The following RBFOX1 variants were observed in gnomAD, a reference collection of about 807,000 sequenced individuals.
The protein encoded by RBFOX1 is RNA binding fox-1 homolog 1.
RBFOX1 carries 8 observed loss-of-function variants against 57.7 expected under a neutral mutation model. The observed-to-expected ratio is 0.14, with a 90% CI of 0.08 to 0.25. RBFOX1 has a LOEUF of 0.25. RBFOX1 is among the 10% of genes least tolerant of loss of function. The pLI is 1.00. For synonymous variants in RBFOX1, 326 were observed against 222.4 expected (o/e 1.47, Z -4.15); for missense variants, 611 against 548.5 (o/e 1.11, Z -1.14).
intron 3 of RBFOX1, among the ~76,000 whole-genome samples, chr16:5,758,300 C>A (rs757573690): frequency 6.6e-6 from 1 of 152,266 alleles, no homozygotes; most frequent in South Asian, 2.1e-4. Flanking sequence ...AATAATGTTG[C>A]CATAGTTACC....
At chr16:5,954,708 C>T (rs1430068086) in intron 4 of RBFOX1, among the ~76,000 whole-genome samples, 4 of 152,098 alleles carry the variant, frequency 2.6e-5, no homozygotes, top group Non-Finnish European at 5.9e-5. Context: ...ATCGTGTGCG[C>T]CGTGAGCTAT....
chr16:5,850,709 C>T (rs746190821), intron 3 of RBFOX1, among the ~76,000 whole-genome samples: 15 of 152,178 alleles, frequency 9.9e-5, no homozygotes, highest in Admixed American at 3.9e-4. Flanking sequence ...AGCATTGCCT[C>T]GGTTTGCACA....
At chr16:7,222,614 C>A (rs372531586) in intron 4 of RBFOX1, among the ~76,000 whole-genome samples, 2 of 152,152 alleles carry the variant, frequency 1.3e-5, no homozygotes, top group African/African-American at 4.8e-5. Flanking sequence ...TCCTCTCTGC[C>A]GCTTATGATC....
intron 2 of RBFOX1, among the ~76,000 whole-genome samples, chr16:5,527,215 G>A (rs907959333): frequency 6.6e-6 from 1 of 152,180 alleles, no homozygotes; most frequent in Non-Finnish European, 1.5e-5. Flanking sequence ...GTCCTGATGA[G>A]GACCCGCGAT....
chr16:6,016,780 T>G (rs1348264442), upstream of RBFOX1, among the ~76,000 whole-genome samples: 1 of 152,234 alleles, frequency 6.6e-6, no homozygotes, highest in Non-Finnish European at 1.5e-5. Flanking sequence ...ACCTCTCATT[T>G]ATCTTCCAGT....
intron 1 of RBFOX1, among the ~76,000 whole-genome samples, chr16:5,311,850 G>T (rs60515350): frequency 6.6e-6 from 1 of 152,156 alleles, no homozygotes; most frequent in African/African-American, 2.4e-5. Context: ...GCAAGCCCCA[G>T]TTGTGCCTGG....
At chr16:7,687,291 A>G (rs1195699669) in intron 14 of RBFOX1, among the ~76,000 whole-genome samples, 2 of 152,074 alleles carry the variant, frequency 1.3e-5, no homozygotes, top group South Asian at 2.1e-4. Flanking sequence ...TTTTATGTGG[A>G]AAGGAGGTAA....
At chr16:6,219,626 G>A (rs1360732664) in intron 1 of RBFOX1, among the ~76,000 whole-genome samples, 1 of 152,072 alleles carries the variant, frequency 6.6e-6, no homozygotes, top group East Asian at 1.9e-4. Context: ...TGTAATCCCA[G>A]CATTTTGGGA....
downstream of RBFOX1, among the ~76,000 whole-genome samples, chr16:5,600,332 C>T (rs892375512): frequency 6.6e-6 from 1 of 150,544 alleles, no homozygotes; most frequent in Non-Finnish European, 1.5e-5. Flanking sequence ...AAAAACAAAA[C>T]CAAATTAGCT....
At chr16:5,764,453 T>C (rs936397170) in intron 3 of RBFOX1, among the ~76,000 whole-genome samples, 1 of 152,192 alleles carries the variant, frequency 6.6e-6, no homozygotes, top group Admixed American at 6.5e-5. Context: ...TTATTCTTAT[T>C]ATTTATACTT....
At chr16:7,482,911 A>G (rs991142399) in intron 4 of RBFOX1, among the ~76,000 whole-genome samples, 3 of 152,130 alleles carry the variant, frequency 2.0e-5, no homozygotes, top group Non-Finnish European at 4.4e-5. Flanking sequence ...TTTTGGCTGC[A>G]ATTAACTCCC....
In RBFOX1 at chr16:5,287,967, A is replaced by T. The variant is rs1316865063; in HGVS notation, c.219+47862A>T. On this transcript the variant is annotated intron_variant, in intron 1 of 2. Coordinates refer to the RBFOX1 transcript ENST00000585867. ...AATTCAATAAGTATTTGTTGAATGC[A>T]CTTTTGCCTGAATGCTTCTGGCTGC... Among the ~76,000 whole-genome samples, 5 of 152,208 alleles carry T rather than the reference A, an allele frequency of 3.3e-5. No homozygotes were observed. The East Asian group carries it at 9.6e-4, about 29-fold the overall frequency.
intron 12 of RBFOX1, among the ~76,000 whole-genome samples, chr16:7,664,283 T>A (rs1000063274): frequency 6.6e-6 from 1 of 152,154 alleles, no homozygotes; most frequent in Non-Finnish European, 1.5e-5. Context: ...TGAAGACATG[T>A]CTGCACAGAA....
intron 2 of RBFOX1, among the ~76,000 whole-genome samples, chr16:6,468,588 C>T (rs1052673748): frequency 6.6e-6 from 1 of 151,820 alleles, no homozygotes; most frequent in Non-Finnish European, 1.5e-5. Flanking sequence ...CACAAAAATT[C>T]TCATCTGTTA....
intron 3 of RBFOX1, among the ~76,000 whole-genome samples, chr16:5,794,921 ACT>A (rs1195002075): frequency 6.6e-6 from 1 of 152,088 alleles, no homozygotes; most frequent in African/African-American, 2.4e-5. Flanking sequence ...CAGTCTACAC[ACT>A]GTCTGTGGAA....
At chr16:7,430,186 A>G (rs2098665130) in intron 4 of RBFOX1, among the ~76,000 whole-genome samples, 1 of 152,248 alleles carries the variant, frequency 6.6e-6, no homozygotes, top group African/African-American at 2.4e-5. Context: ...TTTTGGATAA[A>G]TAATGTTCCA....
intron 3 of RBFOX1, among the ~76,000 whole-genome samples, chr16:5,722,033 C>T (rs565893257): frequency 6.6e-6 from 1 of 152,176 alleles, no homozygotes; most frequent in Non-Finnish European, 1.5e-5. Context: ...TAAGGAGAAT[C>T]CTCATGTGGT....
chr16:5,530,980 C>T (rs1404681128), intron 2 of RBFOX1, among the ~76,000 whole-genome samples: 1 of 134,508 alleles, frequency 7.4e-6, no homozygotes, highest in Non-Finnish European at 1.6e-5. Context: ...AAAAAATTAG[C>T]CAGGCTTGGT....
At chr16:6,924,169 A>AATAATAAT (rs2075076135) in intron 3 of RBFOX1, among the ~76,000 whole-genome samples, 15 of 146,740 alleles carry the variant, frequency 1.0e-4, no homozygotes, top group South Asian at 2.2e-4. Context: ...TCTGTCTCAA[A>AATAATAAT]AATAATAATA....
Sources: gnomAD v4.1 joint callset for allele counts (sites outside exome capture counted in the v4.1 genomes callset) on GRCh38, gnomAD v4.1.1 for gene constraint, MANE v1.5 for transcripts, NCBI Gene and HGNC (gene_info 2026-07-23, HGNC 2026-07-21) for gene names.